The following PTPRR variants were observed in gnomAD, a reference collection of about 807,000 sequenced individuals.
PTPRR encodes protein tyrosine phosphatase receptor type R.
In PTPRR, 38 loss-of-function variants were observed where a neutral mutation model predicts 77.2. The observed-to-expected ratio is 0.49, with a 90% CI of 0.38 to 0.65. The LOEUF (loss-of-function observed/expected upper bound fraction) is 0.65. Among genes scored for constraint, PTPRR ranks in the 30% least tolerant of loss-of-function variants. The pLI, the probability that PTPRR is intolerant of heterozygous loss-of-function variation, is 0.00. For missense variants in PTPRR, 744 were observed against 799.2 expected (o/e 0.93, Z 0.83); for synonymous variants, 299 against 283.1 (o/e 1.06, Z -0.57).
chr12:70,836,818 T>C (rs960433654), intron 2 of PTPRR, among the ~76,000 whole-genome samples: 6 of 152,028 alleles, frequency 3.9e-5, no homozygotes, highest in Non-Finnish European at 4.4e-5. Context: ...TCCCCAGTTA[T>C]ATGCTTACAC....
In PTPRR at chr12:70,919,445, T is replaced by C. The variant is rs569712227; in HGVS notation, c.58+888A>G. Among the ~76,000 whole-genome samples the C allele has an allele frequency of 1.4e-4, 21 of 152,314 alleles. No homozygotes were observed. The South Asian group carries it at 3.9e-3, about 29-fold the overall frequency. On this transcript the variant is annotated intron_variant, in intron 1 of 13. Coordinates refer to ENST00000283228, the MANE Select transcript of PTPRR (RefSeq NM_002849.4). ...GATAAGGAATTCAGCCTAGCAAGTC[T>C]GTCTGCATTAAATAGAGGTGCTATG...
At chr12:70,828,556 G>A (rs1892156381) in intron 2 of PTPRR, among the ~76,000 whole-genome samples, 1 of 152,204 alleles carries the variant, frequency 6.6e-6, no homozygotes, top group Non-Finnish European at 1.5e-5. Flanking sequence ...CTGTAGGAAG[G>A]CAGAGAGGTT....
At chr12:70,672,671 T>C (rs1327064767) in intron 10 of PTPRR, 6 of 1,544,774 alleles carry the variant, frequency 3.9e-6, no homozygotes, top group South Asian at 3.3e-5. Flanking sequence ...ACCAACCAGA[T>C]GGTGGTCAAG....
chr12:70,785,757 T>C (rs369557100), intron 2 of PTPRR, among the ~76,000 whole-genome samples: 10 of 152,292 alleles, frequency 6.6e-5, no homozygotes, highest in African/African-American at 2.4e-4. Flanking sequence ...TAACGCAAAG[T>C]TCCTCAGAGA....
chr12:70,848,650 CAG>C (rs558739465), intron 2 of PTPRR, among the ~76,000 whole-genome samples: 1 of 152,086 alleles, frequency 6.6e-6, no homozygotes, highest in Non-Finnish European at 1.5e-5. Context: ...TTGTAATGAT[CAG>C]ATTAGAGAAT....
At chr12:70,737,308 C>T (rs1048726613) in intron 6 of PTPRR, among the ~76,000 whole-genome samples, 1 of 151,982 alleles carries the variant, frequency 6.6e-6, no homozygotes, top group African/African-American at 2.4e-5. Context: ...CCCTGCTTTC[C>T]TAATAAGCTT....
chr12:70,899,560 A>G (rs1205802021), intron 1 of PTPRR, among the ~76,000 whole-genome samples: 4 of 151,462 alleles, frequency 2.6e-5, no homozygotes, highest in African/African-American at 4.8e-5. Flanking sequence ...GAAATAGAAG[A>G]GAATGTTCTC....
intron 1 of PTPRR, among the ~76,000 whole-genome samples, chr12:70,919,682 T>G (rs985207222): frequency 4.8e-5 from 1 of 20,764 alleles, no homozygotes; most frequent in Admixed American, 4.8e-4. Flanking sequence ...TGTTTTTTTT[T>G]TTTTTTTTTT....
Position 70,745,859 on chromosome 12 carries a change from G to A in PTPRR, c.966C>T (p.Cys322=), listed in dbSNP as rs149482714. Residue 322 remains cysteine, a synonymous_variant, in exon 6 of 14, where the codon TGC becomes TGT. Transcript: ENST00000283228. The part of the protein sequence containing the change: ...EIKATTATSV[C]PSPFKMKPIG... ...TGGGCTTCATTTTGAAAGGAGAAGG[G>A]CAAACAGAGGTAGCGGTGGTAGCTT... The A allele has an allele frequency of 1.6e-3, 2,529 of 1,614,074 alleles. 3 individuals carry two copies. The highest frequency in any genetic ancestry group is 1.9e-3 in the Non-Finnish European group (2,230 of 1,180,006).
chr12:70,672,919 C>T lies in PTPRR; in HGVS notation c.1498-10314G>A, dbSNP rs1887292228. The T allele has an allele frequency of 2.0e-6, 3 of 1,518,290 alleles. No homozygotes were observed. The South Asian group carries it at 3.4e-5, about 17-fold the overall frequency. The allele number at this position is 1,518,290 out of a possible 1,614,324, so 94.1% of individuals were successfully genotyped here. ...GGGCATCTGCTCCCACTCAGCTTAG[C>T]CCAGGGAAATGTCGAATGCCAGGTG... On this transcript the variant is annotated intron_variant, in intron 10 of 13. Coordinates refer to ENST00000283228, the MANE Select transcript of PTPRR (RefSeq NM_002849.4).
intron 1 of PTPRR, among the ~76,000 whole-genome samples, chr12:70,905,683 A>C (rs1052780834): frequency 6.6e-6 from 1 of 151,950 alleles, no homozygotes; most frequent in Non-Finnish European, 1.5e-5. Context: ...TCATTATTTC[A>C]AATTCAGTGT....
intron 2 of PTPRR, among the ~76,000 whole-genome samples, chr12:70,785,657 G>A (rs907236220): frequency 6.6e-6 from 1 of 152,048 alleles, no homozygotes; most frequent in Admixed American, 6.6e-5. Context: ...TCATTTCTAT[G>A]CTTTGTGACT....
At chr12:70,733,482 G>GAAAAAAAAAAAAAA (rs1310822205) in intron 6 of PTPRR, among the ~76,000 whole-genome samples, 2 of 92,298 alleles carry the variant, frequency 2.2e-5, no homozygotes, top group African/African-American at 5.9e-5. Context: ...AAAAAAAAAA[G>GAAAAAAAAAAAAAA]AAAAAAAAAG....
chr12:70,766,907 C>G (rs923288670), intron 2 of PTPRR, among the ~76,000 whole-genome samples: 3 of 152,022 alleles, frequency 2.0e-5, no homozygotes, highest in Non-Finnish European at 4.4e-5. Flanking sequence ...TTATATCCAG[C>G]CAAGCTAAGC....
chr12:70,671,941 G>C (rs1351701400), intron 10 of PTPRR: 1 of 1,035,814 alleles, frequency 9.7e-7, no homozygotes, highest in Non-Finnish European at 1.5e-6. Flanking sequence ...GTAGAAGAAG[G>C]TTGCTCACAG....
chr12:70,653,051 T>A (rs1054587839), intron 13 of PTPRR, among the ~76,000 whole-genome samples: 3 of 152,190 alleles, frequency 2.0e-5, no homozygotes, highest in African/African-American at 7.2e-5. Flanking sequence ...TCACTTTAGA[T>A]CCATGCATGT....
chr12:70,710,617 A>C (rs888886357), intron 6 of PTPRR, among the ~76,000 whole-genome samples: 1 of 152,188 alleles, frequency 6.6e-6, no homozygotes, highest in Non-Finnish European at 1.5e-5. Flanking sequence ...TATAACAGAC[A>C]ACCTACAGAA....
In PTPRR at chr12:70,725,137, G is replaced by GAGAC. The variant is rs1477496436; in HGVS notation, c.1007+20677_1007+20680dup. The stretch of plus-strand genomic sequence containing the variant: ...CCTCCTATTATAAAATAAGCATGAA[G>GAGAC]AGACAGGGCTGGGAGACATGATTTA... On this transcript the variant is annotated intron_variant, in intron 6 of 13. Transcript: ENST00000283228. Among the ~76,000 whole-genome samples, 5 of 152,098 alleles carry GAGAC rather than the reference G, an allele frequency of 3.3e-5. No individual in the cohort carries two copies. The East Asian group carries it at 9.6e-4, about 29-fold the overall frequency.
At chr12:70,658,112 C>A (rs200835584) in intron 12 of PTPRR, among the ~76,000 whole-genome samples, 200 of 152,270 alleles carry the variant, frequency 1.3e-3, no homozygotes, top group Non-Finnish European at 2.4e-3. Flanking sequence ...AACTTTCAAG[C>A]CTTATGTATT....
Sources: gnomAD v4.1 joint callset for allele counts (sites outside exome capture counted in the v4.1 genomes callset) on GRCh38, gnomAD v4.1.1 for gene constraint, MANE v1.5 for transcripts, NCBI Gene and HGNC (gene_info 2026-07-23, HGNC 2026-07-21) for gene names.